TENM2: variants seen among roughly 807,000 people sequenced by gnomAD.
TENM2 encodes teneurin-2.
A neutral mutation model predicts 245.2 loss-of-function variants in TENM2; 52 were observed. The ratio of observed to expected loss-of-function variants is 0.21; its 90% CI spans 0.17 to 0.27. The LOEUF (loss-of-function observed/expected upper bound fraction) is 0.27, where lower values mean the gene tolerates loss of function less well. Among genes scored for constraint, TENM2 ranks in the 10% least tolerant of loss-of-function variants. The probability of loss-of-function intolerance (pLI) is 1.00; values close to 1 mark genes in which losing one functional copy is unlikely to be tolerated. For missense variants in TENM2, 3,046 were observed against 3,666.8 expected (o/e 0.83, Z 4.37); for synonymous variants, 1,363 against 1,438.9 (o/e 0.95, Z 1.19).
intron 5 of TENM2, among the ~76,000 whole-genome samples, chr5:168,032,177 C>G (rs1408102724): frequency 6.6e-6 from 1 of 152,188 alleles, no homozygotes; most frequent in Non-Finnish European, 1.5e-5. Context: ...CATAGTTAAG[C>G]TAAACCATGT....
At chr5:168,196,257 C>G (rs1262734370) in intron 15 of TENM2, among the ~76,000 whole-genome samples, 1 of 152,144 alleles carries the variant, frequency 6.6e-6, no homozygotes, top group Non-Finnish European at 1.5e-5. Context: ...CCCCAGGAGC[C>G]CTAACTTCAC....
At chr5:167,844,035 C>T (rs565770501) in intron 2 of TENM2, among the ~76,000 whole-genome samples, 30 of 152,272 alleles carry the variant, frequency 2.0e-4, no homozygotes, top group African/African-American at 3.1e-4. Context: ...TGAAGATATA[C>T]ATTGAAAGTA....
intron 2 of TENM2, among the ~76,000 whole-genome samples, chr5:167,753,402 C>T (rs936963364): frequency 2.0e-5 from 3 of 152,062 alleles, no homozygotes; most frequent in African/African-American, 7.2e-5. Flanking sequence ...TTAATTTGGG[C>T]TCAGTGTGGA....
At chr5:167,611,942 A>G (rs1287676929) in intron 2 of TENM2, among the ~76,000 whole-genome samples, 1 of 152,108 alleles carries the variant, frequency 6.6e-6, no homozygotes, top group East Asian at 1.9e-4. Flanking sequence ...ACCATAGCAA[A>G]TGATAACAAG....
chr5:168,083,933 T>G (rs1792222545), intron 7 of TENM2, among the ~76,000 whole-genome samples: 1 of 152,146 alleles, frequency 6.6e-6, no homozygotes, highest in Non-Finnish European at 1.5e-5. Context: ...CCGCCCTCTC[T>G]AATAGTCCCC....
chr5:167,687,735 GA>G (rs1336710141), intron 2 of TENM2, among the ~76,000 whole-genome samples: 13 of 152,086 alleles, frequency 8.5e-5, no homozygotes, highest in Non-Finnish European at 1.5e-4. Flanking sequence ...ACAGCAAAAG[GA>G]AGTGAGAATT....
intron 2 of TENM2, among the ~76,000 whole-genome samples, chr5:167,766,918 C>CA (rs563727853): frequency 1.9e-3 from 282 of 151,868 alleles, no homozygotes; most frequent in African/African-American, 6.1e-3. Context: ...AAACAAAAAA[C>CA]AAAAAAACTA....
At chr5:168,198,603 T>C (rs2152526783) in intron 15 of TENM2, among the ~76,000 whole-genome samples, 2 of 152,334 alleles carry the variant, frequency 1.3e-5, no homozygotes, top group East Asian at 3.9e-4. Context: ...AGTCATGCCA[T>C]GTGTATTGGT....
the TENM2 span, among the ~76,000 whole-genome samples, chr5:167,164,320 T>C: frequency 6.6e-6 from 1 of 152,254 alleles, no homozygotes; most frequent in African/African-American, 2.4e-5. Context: ...CTCCAGATTT[T>C]GCTGTAAGCA....
chr5:168,152,406 A>G (rs1011830741), intron 12 of TENM2, among the ~76,000 whole-genome samples: 1 of 152,154 alleles, frequency 6.6e-6, no homozygotes, highest in African/African-American at 2.4e-5. Flanking sequence ...GGTTGACCTG[A>G]TTTTACACTA....
exon 1 of TENM2, chr5:167,284,903 C>T (rs1581662680): frequency 6.4e-7 from 1 of 1,551,750 alleles, no homozygotes; most frequent in South Asian, 1.2e-5. Flanking sequence ...AGTGTCGCTA[C>T]ACAAGCTCCT....
chr5:167,263,468 C>T, the TENM2 span, among the ~76,000 whole-genome samples: 1 of 152,206 alleles, frequency 6.6e-6, no homozygotes, highest in Non-Finnish European at 1.5e-5. Context: ...AGAATTCAGA[C>T]TATTTTCATC....
intron 2 of TENM2, among the ~76,000 whole-genome samples, chr5:167,546,467 A>G (rs540285567): frequency 2.6e-5 from 4 of 152,192 alleles, no homozygotes; most frequent in Admixed American, 6.5e-5. Context: ...TAATCAAGAA[A>G]TGGAGTCTGG....
chr5:167,576,624 A>G (rs1007966272), intron 2 of TENM2, among the ~76,000 whole-genome samples: 1 of 152,206 alleles, frequency 6.6e-6, no homozygotes, highest in Non-Finnish European at 1.5e-5. Flanking sequence ...TCATCCCTGA[A>G]TGCTAAAACC....
intron 10 of TENM2, 68 bp downstream of exon 12, chr5:168,118,554 A>G: frequency 7.7e-7 from 1 of 1,297,276 alleles, no homozygotes; most frequent in Non-Finnish European, 1.0e-6. Flanking sequence ...ACCTTTGCTA[A>G]TGAGCCCAGT....
the TENM2 span, among the ~76,000 whole-genome samples, chr5:167,068,390 A>C: frequency 5.3e-5 from 8 of 152,324 alleles, no homozygotes; most frequent in African/African-American, 1.9e-4. Context: ...TGTGAGCCAC[A>C]TGCGTTATTG....
intron 4 of TENM2, among the ~76,000 whole-genome samples, chr5:167,989,735 A>T (rs547036878): frequency 2.6e-5 from 4 of 152,164 alleles, no homozygotes; most frequent in Non-Finnish European, 4.4e-5. Context: ...GGGATTCATT[A>T]AGCTATTGGA....
chr5:167,654,590 C>CTT (rs752856203), intron 2 of TENM2, among the ~76,000 whole-genome samples: 20 of 144,578 alleles, frequency 1.4e-4, no homozygotes, highest in African/African-American at 4.0e-4. Context: ...ATCTCATTCA[C>CTT]TTTTTTTTTT....
At chr5:167,010,107 C>T in the TENM2 span, among the ~76,000 whole-genome samples, 2 of 152,216 alleles carry the variant, frequency 1.3e-5, no homozygotes, top group East Asian at 1.9e-4. Context: ...AAAGGCTGGG[C>T]GTGGTGGCTC....
Sources: gnomAD v4.1 joint callset for allele counts (sites outside exome capture counted in the v4.1 genomes callset) on GRCh38, gnomAD v4.1.1 for gene constraint, MANE v1.5 for transcripts, NCBI Gene and HGNC (gene_info 2026-07-23, HGNC 2026-07-21) for gene names.